Variants in CLTCL1 observed in about 807,000 individuals in gnomAD.
CLTCL1 encodes clathrin heavy chain like 1, also known as clathrin heavy chain 2.
CLTCL1 carries 159 observed loss-of-function variants against 190.0 expected under a neutral mutation model. That is an observed-to-expected ratio of 0.84 (90% CI 0.74 to 0.95). The LOEUF (loss-of-function observed/expected upper bound fraction) is 0.95, where lower values mean the gene tolerates loss of function less well. CLTCL1 is among the 40% of genes least tolerant of loss of function. The pLI, the probability that CLTCL1 is intolerant of heterozygous loss-of-function variation, is 0.00. For synonymous variants in CLTCL1, 752 were observed against 769.6 expected, an observed-to-expected ratio of 0.98 and a Z score of 0.38; for missense variants, 1,878 against 2,033.4, an observed-to-expected ratio of 0.92 and a Z score of 1.47.
chr22:19,211,673 A>G (rs1468369232), intron 19 of CLTCL1, among the ~76,000 whole-genome samples: 1 of 151,212 alleles, frequency 6.6e-6, no homozygotes, highest in African/African-American at 2.4e-5. Flanking sequence ...AGGCTGAAGC[A>G]GGAGAATGGC....
In CLTCL1 at chr22:19,180,147, A is replaced by C. The variant is rs1434053241; in HGVS notation, c.*20+52T>G. Reference sequence around the variant, plus strand: ...AGAGGCAAGGAGCGTGGGGTCAGCCAGAGAACCTGGCCTGGCTAGAGGATA... The same window carrying C: ...AGAGGCAAGGAGCGTGGGGTCAGCCCGAGAACCTGGCCTGGCTAGAGGATA... On this transcript the variant is annotated intron_variant, in intron 32 of 32. Transcript: ENST00000427926. 1.3e-5 allele frequency: 20 copies of C among 1,541,824 alleles called. No homozygotes were observed. The East Asian group carries it at 3.8e-4, about 29-fold the overall frequency.
chr22:19,189,421 A>G (rs1239841482), intron 27 of CLTCL1, among the ~76,000 whole-genome samples: 1 of 152,238 alleles, frequency 6.6e-6, no homozygotes, highest in Non-Finnish European at 1.5e-5. Context: ...CCACTTTATC[A>G]ACCAGGTTTA....
At chr22:19,187,390 T>A (rs1555928812) in intron 29 of CLTCL1, among the ~76,000 whole-genome samples, 168 bp downstream of exon 29, 9 of 152,136 alleles carry the variant, frequency 5.9e-5, no homozygotes, top group Non-Finnish European at 2.9e-5. Flanking sequence ...TACTCTATGT[T>A]CTAAATATGG....
At chr22:19,255,874 C>T (rs1181743968) in intron 2 of CLTCL1, among the ~76,000 whole-genome samples, 2 of 147,960 alleles carry the variant, frequency 1.4e-5, no homozygotes, top group African/African-American at 2.5e-5. Flanking sequence ...TGTGCCACTG[C>T]ACTCTAGCCT....
intron 1 of CLTCL1, among the ~76,000 whole-genome samples, chr22:19,286,446 G>T (rs2087909711): frequency 6.6e-6 from 1 of 152,120 alleles, no homozygotes; most frequent in South Asian, 2.1e-4. Flanking sequence ...ATTTTACATG[G>T]GATGCAATAA....
chr22:19,285,983 A>G (rs1261103201), intron 1 of CLTCL1, among the ~76,000 whole-genome samples: 1 of 152,172 alleles, frequency 6.6e-6, no homozygotes, highest in East Asian at 1.9e-4. Flanking sequence ...GGCTTCGTTT[A>G]TAGTGGTTTC....
intron 14 of CLTCL1, among the ~76,000 whole-genome samples, chr22:19,223,567 T>C (rs2085643168): frequency 1.3e-5 from 2 of 152,186 alleles, no homozygotes; most frequent in Admixed American, 1.3e-4. Context: ...TCCTGTTCTT[T>C]ATGACACTAG....
At chr22:19,230,075 T>G in intron 10 of CLTCL1, 100 bp from the exon 11 acceptor site, 1 of 1,139,342 alleles carries the variant, frequency 8.8e-7, no homozygotes, top group South Asian at 1.8e-5. Context: ...ATTTAGAAAT[T>G]CAGCAATTAG....
At chr22:19,274,884 G>A (rs1461351043) in intron 2 of CLTCL1, among the ~76,000 whole-genome samples, 7 of 151,920 alleles carry the variant, frequency 4.6e-5, no homozygotes, top group African/African-American at 7.2e-5. Context: ...GCGCCACCAC[G>A]CCCAGCTAAT....
At chr22:19,200,103 G>C (rs936775953) in intron 23 of CLTCL1, among the ~76,000 whole-genome samples, 3 of 152,180 alleles carry the variant, frequency 2.0e-5, no homozygotes, top group Non-Finnish European at 4.4e-5. Context: ...CCTGAGTTTT[G>C]TTCAGGTGGC....
intron 2 of CLTCL1, among the ~76,000 whole-genome samples, chr22:19,254,949 G>A (rs547425208): frequency 2.0e-5 from 3 of 152,056 alleles, no homozygotes; most frequent in Non-Finnish European, 4.4e-5. Context: ...ATGTAGCAAT[G>A]AACTAAATTT....
At chr22:19,266,224 A>G (rs1444204632) in intron 2 of CLTCL1, among the ~76,000 whole-genome samples, 1 of 152,180 alleles carries the variant, frequency 6.6e-6, no homozygotes, top group African/African-American at 2.4e-5. Context: ...GAAGACACAA[A>G]TTATCAAAAT....
chr22:19,198,378 G>A lies in CLTCL1; in HGVS notation c.3873+1356C>T, dbSNP rs1358675904. Among the ~76,000 whole-genome samples the A allele has an allele frequency of 6.6e-6, 1 of 151,890 alleles. No individual in the cohort carries two copies. Among genetic ancestry groups the A allele is most frequent in the Non-Finnish European group, 1.5e-5 (1 of 67,992 alleles). Reference sequence around the variant, plus strand: ...GCTCCTGTCCCTACTCCTCAAGTATGTGTCTCAGCACATGAGCCACCATGA... The same window carrying A: ...GCTCCTGTCCCTACTCCTCAAGTATATGTCTCAGCACATGAGCCACCATGA... On this transcript the variant is annotated intron_variant, in intron 24 of 32. Coordinates refer to ENST00000427926, the MANE Select transcript of CLTCL1 (RefSeq NM_007098.4). This position sits in a 1 kb window ranked among gnomAD's most constrained non-coding sequence, Gnocchi z 4.1.
chr22:19,216,164 C>A lies in CLTCL1; in HGVS notation c.3012G>T (p.Leu1004=). 1.9e-6 allele frequency: 3 copies of A among 1,613,962 alleles called. No homozygotes were observed. Among genetic ancestry groups the A allele is most frequent in the Non-Finnish European group, 2.5e-6 (3 of 1,179,840 alleles). Residue 1004 remains leucine (L), a synonymous_variant, in exon 19 of 33, where the codon CTG becomes CTT. Transcript: ENST00000427926. ...AFMTADLPNE[L]IELLEKIVLD... ...GAACTATCTTCTCCAGCAGTTCAAT[C>A]AGTTCATTAGGCAGGTCGGCTGTCA...
chr22:19,268,860 C>T (rs1456064758), intron 2 of CLTCL1, among the ~76,000 whole-genome samples: 2 of 151,990 alleles, frequency 1.3e-5, no homozygotes, highest in African/African-American at 4.8e-5. Flanking sequence ...TTTGGGAGGC[C>T]AACGCAGGTG....
In CLTCL1 at chr22:19,183,453, C is replaced by T; in HGVS notation, c.4764G>A (p.Arg1588=). ...RPDMVLELAW[R]HNLVDLAMPY... ...GCATGGCCAAGTCCACGAGGTTGTGCCTCCAGGCCAGCTCAAGCACCATGT... is the reference window on the plus strand; with the variant it reads ...GCATGGCCAAGTCCACGAGGTTGTGTCTCCAGGCCAGCTCAAGCACCATGT... The change falls in exon 30 of 33, where the codon AGG becomes AGA. Residue 1588 remains arginine, a synonymous_variant. Transcript: ENST00000427926. 1 of 1,613,740 alleles carries T rather than the reference C, an allele frequency of 6.2e-7. No homozygotes were observed. Among genetic ancestry groups the T allele is most frequent in the Non-Finnish European group, 8.5e-7 (1 of 1,179,894 alleles).
rs1182148016 is a variant in CLTCL1 at position 19,223,875 on chromosome 22, C to G, written c.2292+16G>C. 8.1e-6 allele frequency: 13 copies of G among 1,612,670 alleles called. No homozygotes were observed. The highest frequency in any genetic ancestry group is 7.6e-6 in the Non-Finnish European group (9 of 1,179,754). The stretch of plus-strand genomic sequence containing the variant: ...AGCAAGGGCAGCTCATGGAAGGAGG[C>G]AGCACTGGAACACACCTTCAGGAAG... On this transcript the variant is annotated intron_variant, in intron 14 of 32. Transcript: ENST00000427926.
At chr22:19,227,907 A>C (rs991323549) in intron 11 of CLTCL1, among the ~76,000 whole-genome samples, 1 of 152,208 alleles carries the variant, frequency 6.6e-6, no homozygotes, top group Non-Finnish European at 1.5e-5. Context: ...ATTCTCTTGA[A>C]GTAAGTAATT....
At chr22:19,221,672 C>T (rs2085575088) in intron 16 of CLTCL1, 61 bp from the exon 17 acceptor site, 2 of 1,377,744 alleles carry the variant, frequency 1.5e-6, no homozygotes, top group Admixed American at 2.2e-5. Flanking sequence ...TTGAGGGCAA[C>T]TCCAGGGCTC....
Sources: gnomAD v4.1 joint callset for allele counts (sites outside exome capture counted in the v4.1 genomes callset) on GRCh38, gnomAD v4.1.1 for gene constraint, Gnocchi (gnomAD v3.1) non-coding constraint, MANE v1.5 for transcripts, NCBI Gene and HGNC (gene_info 2026-07-23, HGNC 2026-07-21) for gene names.